WDR7: variants seen among roughly 807,000 people sequenced by gnomAD.
WDR7 encodes the protein WD repeat-containing protein 7.
Under a neutral mutation model 169.4 loss-of-function variants are expected in WDR7, and 46 were observed. The observed-to-expected ratio is 0.27, with a 90% CI of 0.21 to 0.35. The LOEUF is 0.35. Among genes scored for constraint, WDR7 ranks in the 10% least tolerant of loss-of-function variants. The pLI, the probability that WDR7 is intolerant of heterozygous loss-of-function variation, is 1.00. For synonymous variants in WDR7, 612 were observed against 666.8 expected, an observed-to-expected ratio of 0.92 and a Z score of 1.27; for missense variants, 1,534 against 1,859.3, an observed-to-expected ratio of 0.83 and a Z score of 3.22.
intron 21 of WDR7, among the ~76,000 whole-genome samples, chr18:56,897,826 G>A (rs150813904): frequency 1.6e-3 from 246 of 151,996 alleles, no homozygotes; most frequent in African/African-American, 5.6e-3. Flanking sequence ...AATGAATCTC[G>A]AAATATAATT....
intron 19 of WDR7, among the ~76,000 whole-genome samples, chr18:56,810,326 A>G (rs1020982033): frequency 5.3e-5 from 8 of 152,144 alleles, no homozygotes; most frequent in African/African-American, 1.9e-4. Context: ...AGTTTCTCCT[A>G]CCCCTTTACT....
chr18:57,015,165 C>T (rs1379079308), intron 26 of WDR7, among the ~76,000 whole-genome samples: 3 of 152,164 alleles, frequency 2.0e-5, no homozygotes, highest in African/African-American at 4.8e-5. Flanking sequence ...GTAGCCCTGT[C>T]CACACACACA....
chr18:56,872,706 A>G (rs2045970214), intron 20 of WDR7: 1 of 152,150 alleles, frequency 6.6e-6, no homozygotes, highest in Non-Finnish European at 1.5e-5. Context: ...AGTTGAAGGT[A>G]TTAATTTTCT....
intron 7 of WDR7, among the ~76,000 whole-genome samples, chr18:56,688,087 C>T (rs558465389): frequency 1.3e-5 from 2 of 152,164 alleles, no homozygotes; most frequent in Non-Finnish European, 2.9e-5. Flanking sequence ...GATGAGGCAG[C>T]TGAGGCAGTA....
At chr18:56,861,430 G>A (rs1375414046) in intron 20 of WDR7, among the ~76,000 whole-genome samples, 1 of 152,206 alleles carries the variant, frequency 6.6e-6, no homozygotes, top group African/African-American at 2.4e-5. Context: ...GAAAGACAGC[G>A]ATTGGGCCTC....
chr18:56,899,299 C>G (rs7227664), intron 21 of WDR7, among the ~76,000 whole-genome samples: 1,811 of 151,990 alleles, frequency 0.012, 42 homozygotes, highest in African/African-American at 0.042. Flanking sequence ...TTATCCATGT[C>G]CATTAAGCCA....
At chr18:56,662,641 A>G (rs1210080987) in intron 1 of WDR7, among the ~76,000 whole-genome samples, 1 of 152,206 alleles carries the variant, frequency 6.6e-6, no homozygotes, top group Non-Finnish European at 1.5e-5. Context: ...CTTGAGGCAA[A>G]CGTTAGATCC....
chr18:57,016,225 C>T (rs2048205331), intron 26 of WDR7, among the ~76,000 whole-genome samples: 1 of 152,118 alleles, frequency 6.6e-6, no homozygotes, highest in Admixed American at 6.5e-5. Context: ...CTCAGCCCCT[C>T]AAGATCTTGG....
At chr18:56,813,139 C>A (rs1330155799) in intron 19 of WDR7, among the ~76,000 whole-genome samples, 1 of 150,844 alleles carries the variant, frequency 6.6e-6, no homozygotes, top group Non-Finnish European at 1.5e-5. Context: ...ATGTAACTAA[C>A]CTGCACAATG....
chr18:56,879,038 G>A (rs2046068652), intron 20 of WDR7, among the ~76,000 whole-genome samples: 1 of 152,146 alleles, frequency 6.6e-6, no homozygotes, highest in South Asian at 2.1e-4. Context: ...TTCTTCAGTT[G>A]ATGGACATTT....
At chr18:56,668,863 G>A (rs187554405) in intron 1 of WDR7, among the ~76,000 whole-genome samples, 1 of 150,732 alleles carries the variant, frequency 6.6e-6, no homozygotes, top group Non-Finnish European at 1.5e-5. Flanking sequence ...GCCTGTAGAT[G>A]TGTAAGCAGA....
chr18:56,796,772 A>G (rs770572131), intron 19 of WDR7, among the ~76,000 whole-genome samples: 10 of 152,136 alleles, frequency 6.6e-5, no homozygotes, highest in Non-Finnish European at 1.3e-4. Context: ...GTGCAAGTGA[A>G]TGATGTAGAA....
intron 20 of WDR7, among the ~76,000 whole-genome samples, chr18:56,866,063 A>T (rs570719572): frequency 2.6e-5 from 4 of 152,316 alleles, no homozygotes; most frequent in African/African-American, 9.6e-5. Flanking sequence ...AAACACTGAG[A>T]TTGTAGGTCA....
intron 21 of WDR7, among the ~76,000 whole-genome samples, chr18:56,909,057 T>C (rs1208539713): frequency 6.6e-6 from 1 of 152,156 alleles, no homozygotes; most frequent in Non-Finnish European, 1.5e-5. Flanking sequence ...CCCTGTGTTA[T>C]TTTTACTCCT....
At chr18:56,773,828 G>A (rs529198169) in intron 16 of WDR7, among the ~76,000 whole-genome samples, 32 of 152,200 alleles carry the variant, frequency 2.1e-4, no homozygotes, top group African/African-American at 7.0e-4. Flanking sequence ...ATGCCTTTAT[G>A]TTAAGTACGT....
intron 25 of WDR7, among the ~76,000 whole-genome samples, chr18:56,961,320 T>G (rs1009288054): frequency 6.6e-6 from 1 of 152,082 alleles, no homozygotes; most frequent in Non-Finnish European, 1.5e-5. Flanking sequence ...TGAGATTTTT[T>G]TTTCTGTCAT....
At chr18:56,787,633 A>G (rs931035368) in intron 19 of WDR7, among the ~76,000 whole-genome samples, 1 of 152,126 alleles carries the variant, frequency 6.6e-6, no homozygotes, top group African/African-American at 2.4e-5. Flanking sequence ...GAAACAGAAT[A>G]GGCTTTCTTT....
chr18:56,880,273 G>A (rs1024101656), intron 21 of WDR7, 108 bp downstream of exon 21: 4 of 1,092,364 alleles, frequency 3.7e-6, no homozygotes, highest in South Asian at 3.3e-5. Context: ...CATTTAGATT[G>A]CTTGCGTGAA....
intron 26 of WDR7, among the ~76,000 whole-genome samples, chr18:56,964,489 G>A (rs958209432): frequency 1.3e-5 from 2 of 152,048 alleles, no homozygotes; most frequent in African/African-American, 2.4e-5. Flanking sequence ...CTCAGTTCAA[G>A]TGATTCTCAC....
Sources: gnomAD v4.1 joint callset for allele counts (sites outside exome capture counted in the v4.1 genomes callset) on GRCh38, gnomAD v4.1.1 for gene constraint, MANE v1.5 for transcripts, NCBI Gene and HGNC (gene_info 2026-07-23, HGNC 2026-07-21) for gene names.